The following FZR1 variants were observed in gnomAD, a reference collection of about 807,000 sequenced individuals.
FZR1 encodes fizzy and cell division cycle 20 related 1, also known as fizzy-related protein homolog.
Under a neutral mutation model 63.6 loss-of-function variants are expected in FZR1, and 11 were observed. That is an observed-to-expected ratio of 0.17 (90% confidence interval 0.11 to 0.29). The LOEUF (loss-of-function observed/expected upper bound fraction) is 0.29. Among genes scored for constraint, FZR1 ranks in the 10% least tolerant of loss-of-function variants. The pLI is 1.00. For missense variants in FZR1, 440 were observed against 687.5 expected (o/e 0.64, Z 4.03); for synonymous variants, 328 against 297.9 (o/e 1.10, Z -1.04).
At position 3,538,189 on chromosome 19, in the gene FZR1, G is replaced by A; in HGVS notation, c.*3353G>A. 6.3e-6 allele frequency: 1 copy of A among 159,728 alleles called. No individual in the cohort carries two copies. The highest frequency in any genetic ancestry group is 6.1e-5 in the Admixed American group (1 of 16,314). 9.9% of individuals were successfully genotyped at this position (159,728 alleles called of 1,614,324 possible). On this transcript the variant is annotated 3_prime_UTR_variant, in exon 14 of 14. Coordinates refer to ENST00000441788, the MANE Select transcript of FZR1 (RefSeq NM_016263.4). The stretch of plus-strand genomic sequence containing the variant: ...GGGCAGGGGAAGCGGAGACCAGGGT[G>A]CAGGCTCCGCCCCCACCCAAGGCCG...
chr19:3,537,733 T>A lies in FZR1; in HGVS notation c.*2897T>A, dbSNP rs1175578637. The A allele has an allele frequency of 6.6e-6, 1 of 152,578 alleles. No individual in the cohort carries two copies. Among genetic ancestry groups the A allele is most frequent in the African/African-American group, 2.4e-5 (1 of 41,368 alleles). 9.5% of individuals were successfully genotyped at this position (152,578 alleles called of 1,614,324 possible). The stretch of plus-strand genomic sequence containing the variant: ...GTGCCTGAGAAGAGGGTGAAGGAGC[T>A]GGGGCAGGCCCCATCCTGGGCATTG... On this transcript the variant is annotated 3_prime_UTR_variant, in exon 14 of 14. Coordinates refer to ENST00000441788, the MANE Select transcript of FZR1 (RefSeq NM_016263.4).
intron 7 of FZR1, among the ~76,000 whole-genome samples, chr19:3,528,758 T>TGTGGACGGGTGC (rs2083191218): frequency 1.1e-5 from 1 of 87,230 alleles, no homozygotes; most frequent in Non-Finnish European, 2.3e-5. Flanking sequence ...TGGGTGGGTG[T>TGTGGACGGGTGC]GTGGATGGGT....
chr19:3,511,661 G>A (rs1449246818), intron 1 of FZR1, among the ~76,000 whole-genome samples: 1 of 152,174 alleles, frequency 6.6e-6, no homozygotes, highest in African/African-American at 2.4e-5. Context: ...TGGCTGGTTG[G>A]TGGGGAGGCG....
rs1473036301 is a variant in FZR1, at chr19:3,538,199, CCCCCACCCAAGGCCGG to C, written c.*3364_*3379del. 6.2e-6 allele frequency: 1 copy of C among 160,620 alleles called. No homozygotes were observed. Among genetic ancestry groups the C allele is most frequent in the Admixed American group, 6.1e-5 (1 of 16,378 alleles). The allele number at this position is 160,620 out of a possible 1,614,324, so 9.9% of individuals were successfully genotyped here. A position where few individuals can be genotyped will look rare whatever the true frequency, so the allele number is the denominator to read the frequency against. ...AGCGGAGACCAGGGTGCAGGCTCCG[CCCCCACCCAAGGCCGG>C]GCCCAGCCAGAGGAGGGGCAGGGCA... On this transcript the variant is annotated 3_prime_UTR_variant, in exon 14 of 14. Coordinates refer to ENST00000441788, the MANE Select transcript of FZR1 (RefSeq NM_016263.4).
At position 3,531,770 on chromosome 19, in the gene FZR1, C is replaced by T. The variant is rs1033873554; in HGVS notation, c.777C>T (p.Ala259=). The T allele has an allele frequency of 3.1e-5, 48 of 1,550,150 alleles. No individual in the cohort carries two copies. The highest frequency in any genetic ancestry group is 3.4e-4 in the Middle Eastern group (2 of 5,880). ...GCTTCGTGCAGATCTGGGACGCAGCCGCAGGGAAGAAGCTGTCCATGTTGG... is the reference window on the plus strand; with the variant it reads ...GCTTCGTGCAGATCTGGGACGCAGCTGCAGGGAAGAAGCTGTCCATGTTGG... ...HKGFVQIWDA[A]AGKKLSMLEG... is the part of the protein sequence containing the mutation. The change falls in exon 9 of 14, where the codon GCC becomes GCT. Residue 259 remains alanine, a synonymous_variant. Transcript: ENST00000441788.
intron 1 of FZR1, among the ~76,000 whole-genome samples, chr19:3,506,821 G>T (rs2082987134): frequency 1.3e-5 from 2 of 152,058 alleles, no homozygotes; most frequent in South Asian, 4.1e-4. Context: ...CCAACCAGGG[G>T]ACCCCACTGC....
At chr19:3,512,615 G>A (rs566132108) in intron 1 of FZR1, among the ~76,000 whole-genome samples, 2 of 152,292 alleles carry the variant, frequency 1.3e-5, no homozygotes, top group African/African-American at 2.4e-5. Flanking sequence ...TGCTTCGCCC[G>A]CCTTGGGTCC....
intron 1 of FZR1, among the ~76,000 whole-genome samples, chr19:3,520,520 A>G (rs2083092327): frequency 6.6e-6 from 1 of 152,168 alleles, no homozygotes; most frequent in Admixed American, 6.5e-5. Context: ...GCACCCGTCC[A>G]TGAGGCCTTG....
At chr19:3,519,320 C>T (rs981817728) in intron 1 of FZR1, among the ~76,000 whole-genome samples, 3 of 152,230 alleles carry the variant, frequency 2.0e-5, no homozygotes, top group Non-Finnish European at 4.4e-5. Flanking sequence ...CTCTGCCCTG[C>T]GGCAGCCGCG....
Position 3,523,029 on chromosome 19 carries a change from G to C in FZR1, c.40G>C (p.Val14Leu), listed in dbSNP as rs375035740. 1 of 1,610,906 alleles carries C rather than the reference G, an allele frequency of 6.2e-7. No individual in the cohort carries two copies. Among genetic ancestry groups the C allele is most frequent in the South Asian group, 1.1e-5 (1 of 91,046 alleles). ...TGAGCGGCGCCTGCTTCGCCAGATC[G>C]TCATCCAGAATGAGAACACGATGCC... ...DYERRLLRQI[V>L]IQNENTMPRV... The change falls in exon 2 of 14, where the codon GTC (valine) becomes CTC (leucine). Residue 14 changes from valine to leucine, a missense_variant. Physicochemically the swap from Val to Leu is conservative, Grantham distance 32 (BLOSUM62 1). This residue lies in a region of FZR1 where 200 missense variants were observed against 245.1 expected (regional missense o/e 0.82). Coordinates refer to ENST00000441788, the MANE Select transcript of FZR1 (RefSeq NM_016263.4).
intron 1 of FZR1, among the ~76,000 whole-genome samples, chr19:3,509,465 C>T (rs1335333415): frequency 2.0e-5 from 3 of 152,166 alleles, no homozygotes; most frequent in South Asian, 2.1e-4. Flanking sequence ...AATTTTTGCT[C>T]GTAGTAGCTT....
At chr19:3,527,850 C>CCTCCCCAG (rs1568236582) in intron 7 of FZR1, 36 bp downstream of exon 7, 1 of 1,525,134 alleles carries the variant, frequency 6.6e-7, no homozygotes, top group South Asian at 1.1e-5. Context: ...TGCATGGGGG[C>CCTCCCCAG]CTCCCCAGCT....
intron 1 of FZR1, among the ~76,000 whole-genome samples, chr19:3,508,257 CGCGATCTCG>C (rs1453012510): frequency 7.6e-6 from 1 of 131,664 alleles, no homozygotes. Context: ...AGTCCAGTGG[CGCGATCTCG>C]GCTCACCGCA....
intron 2 of FZR1, among the ~76,000 whole-genome samples, chr19:3,524,328 C>CCGGG: frequency 6.6e-6 from 1 of 152,322 alleles, no homozygotes; most frequent in Middle Eastern, 3.4e-3. Context: ...TGCAGCCAGG[C>CCGGG]CGGGGTGTGA....
chr19:3,534,709 C>T (rs2083279789), intron 13 of FZR1, 86 bp from the exon 14 acceptor site: 3 of 1,270,980 alleles, frequency 2.4e-6, no homozygotes, highest in Non-Finnish European at 1.1e-6. Context: ...CCCTCAGGAC[C>T]AAGCCCCAAA....
At position 3,523,063 on chromosome 19, in the gene FZR1, G is replaced by A. The variant is rs767011937; in HGVS notation, c.69+5G>A. Reference sequence around the variant, plus strand: ...AATGAGAACACGATGCCACGCGTGAGTGCCCCCGCCCTGCCCACCACTGTG... The same window carrying A: ...AATGAGAACACGATGCCACGCGTGAATGCCCCCGCCCTGCCCACCACTGTG... On this transcript the variant is annotated splice_donor_5th_base_variant and intron_variant, in intron 2 of 13. Transcript: ENST00000441788. The A allele has an allele frequency of 6.3e-7, 1 of 1,586,296 alleles. No homozygotes were observed. The highest frequency in any genetic ancestry group is 8.7e-7 in the Non-Finnish European group (1 of 1,155,892).
At chr19:3,511,701 G>T (rs2083025618) in intron 1 of FZR1, among the ~76,000 whole-genome samples, 1 of 152,200 alleles carries the variant, frequency 6.6e-6, no homozygotes, top group African/African-American at 2.4e-5. Flanking sequence ...GTGAGTAAAT[G>T]AATGAATGAC....
intron 1 of FZR1, among the ~76,000 whole-genome samples, chr19:3,507,427 A>G (rs887921074): frequency 6.9e-6 from 1 of 145,314 alleles, no homozygotes; most frequent in African/African-American, 2.6e-5. Context: ...ACGTCCTGAG[A>G]CCCCCGATAT....
At chr19:3,518,493 C>T (rs2083075280) in intron 1 of FZR1, among the ~76,000 whole-genome samples, 2 of 152,096 alleles carry the variant, frequency 1.3e-5, no homozygotes, top group Admixed American at 1.3e-4. Flanking sequence ...CTGGGCCCCA[C>T]CTGCAAAGTC....
Sources: gnomAD v4.1 joint callset for allele counts (sites outside exome capture counted in the v4.1 genomes callset) on GRCh38, gnomAD v4.1.1 for gene constraint, gnomAD v4.1.1 regional missense constraint, MANE v1.5 for transcripts, NCBI Gene and HGNC (gene_info 2026-07-23, HGNC 2026-07-21) for gene names.